The following MARCHF1 variants were observed in gnomAD, a reference collection of about 807,000 sequenced individuals.
MARCHF1 encodes E3 ubiquitin-protein ligase MARCHF1.
In MARCHF1, 40 loss-of-function variants were observed where a neutral mutation model predicts 54.2. The observed-to-expected ratio is 0.74, with a 90% confidence interval of 0.57 to 0.96. The LOEUF is 0.96. MARCHF1 is among the 40% of genes least tolerant of loss of function. The probability of loss-of-function intolerance (pLI) is 0.00; values close to 1 mark genes in which losing one functional copy is unlikely to be tolerated. For synonymous variants in MARCHF1, 236 were observed against 236.3 expected (o/e 1.00, Z 0.01); for missense variants, 586 against 656.5 (o/e 0.89, Z 1.17).
chr4:164,357,395 C>T (rs1241416756), intron 1 of MARCHF1, among the ~76,000 whole-genome samples: 1 of 152,090 alleles, frequency 6.6e-6, no homozygotes, highest in Non-Finnish European at 1.5e-5. Flanking sequence ...AGTCAGGTTC[C>T]TCTGGATTCC....
At chr4:164,286,592 C>T (rs1452025023) in intron 1 of MARCHF1, among the ~76,000 whole-genome samples, 2 of 151,780 alleles carry the variant, frequency 1.3e-5, no homozygotes, top group Non-Finnish European at 2.9e-5. Flanking sequence ...TGAGAAAACA[C>T]ATATTCTCTT....
chr4:163,592,200 T>C (rs1454043322), intron 7 of MARCHF1, among the ~76,000 whole-genome samples: 1 of 152,166 alleles, frequency 6.6e-6, no homozygotes, highest in African/African-American at 2.4e-5. Context: ...TTTGTAATCA[T>C]AAGTTTTGTC....
intron 3 of MARCHF1, among the ~76,000 whole-genome samples, chr4:163,860,619 T>C (rs1421917100): frequency 6.6e-6 from 1 of 152,132 alleles, no homozygotes; most frequent in Non-Finnish European, 1.5e-5. Flanking sequence ...CTAAAAGACT[T>C]TGATTGAATC....
intron 4 of MARCHF1, among the ~76,000 whole-genome samples, chr4:163,831,214 G>C (rs1749015410): frequency 6.6e-6 from 1 of 152,146 alleles, no homozygotes; most frequent in South Asian, 2.1e-4. Flanking sequence ...CCTCTGAACT[G>C]AATTTTCTCT....
At chr4:163,894,300 T>G (rs1456906063) in intron 3 of MARCHF1, among the ~76,000 whole-genome samples, 1 of 152,068 alleles carries the variant, frequency 6.6e-6, no homozygotes, top group East Asian at 1.9e-4. Flanking sequence ...TGCAGTGGTC[T>G]ATTTACTTGT....
intron 1 of MARCHF1, among the ~76,000 whole-genome samples, chr4:164,324,894 A>G (rs1045218037): frequency 1.3e-5 from 2 of 151,744 alleles, no homozygotes; most frequent in Admixed American, 1.3e-4. Flanking sequence ...AAATTTAACA[A>G]TAAATGCAAT....
At chr4:163,682,989 ATTG>A (rs1202747506) in intron 5 of MARCHF1, among the ~76,000 whole-genome samples, 8 of 152,326 alleles carry the variant, frequency 5.3e-5, no homozygotes, top group Non-Finnish European at 1.2e-4. Context: ...ATTAAAATGT[ATTG>A]TTGTAATAAA....
intron 2 of MARCHF1, among the ~76,000 whole-genome samples, chr4:163,993,924 A>G (rs541243018): frequency 6.6e-6 from 1 of 152,262 alleles, no homozygotes; most frequent in African/African-American, 2.4e-5. Context: ...TTGAAAAGAC[A>G]TATGGAATGA....
At chr4:163,907,908 C>T (rs77246861) in intron 3 of MARCHF1, among the ~76,000 whole-genome samples, 22,968 of 152,032 alleles carry the variant, frequency 0.15, 1,886 homozygotes, top group Middle Eastern at 0.18. Flanking sequence ...GAAATAAGGT[C>T]GCTTGAGAAT....
chr4:163,870,051 T>C (rs924805682), intron 3 of MARCHF1, among the ~76,000 whole-genome samples: 5 of 152,114 alleles, frequency 3.3e-5, no homozygotes, highest in Admixed American at 2.0e-4. Flanking sequence ...GTTCTAAAAA[T>C]CTGACACTCA....
chr4:163,797,014 T>C (rs967874423), intron 4 of MARCHF1, among the ~76,000 whole-genome samples: 29 of 152,160 alleles, frequency 1.9e-4, no homozygotes, highest in African/African-American at 6.8e-4. Context: ...CTACTTAGAA[T>C]TAATTTTCAA....
chr4:163,978,014 G>A (rs975224750), intron 3 of MARCHF1, among the ~76,000 whole-genome samples: 3 of 152,140 alleles, frequency 2.0e-5, no homozygotes, highest in South Asian at 2.1e-4. Flanking sequence ...CCCATGAAAT[G>A]TTGAAAAAAT....
At chr4:163,659,907 C>A (rs6852301) in intron 5 of MARCHF1, among the ~76,000 whole-genome samples, 99,302 of 151,856 alleles carry the variant, frequency 0.65, 32,791 homozygotes, top group African/African-American at 0.75. Flanking sequence ...ACAACAACAG[C>A]TGCTGGAGAG....
intron 1 of MARCHF1, among the ~76,000 whole-genome samples, chr4:164,308,975 A>G (rs918766679): frequency 1.3e-5 from 2 of 151,948 alleles, no homozygotes; most frequent in Admixed American, 6.6e-5. Flanking sequence ...AAAAAAAAAA[A>G]AAAGAAAGAG....
At chr4:163,679,948 T>C (rs904407612) in intron 5 of MARCHF1, among the ~76,000 whole-genome samples, 4 of 150,702 alleles carry the variant, frequency 2.7e-5, no homozygotes, top group African/African-American at 4.9e-5. Context: ...CCAGCTGCAA[T>C]TGCCTGTTAA....
intron 2 of MARCHF1, among the ~76,000 whole-genome samples, chr4:164,074,660 A>G (rs1754939256): frequency 6.6e-6 from 1 of 152,128 alleles, no homozygotes; most frequent in Non-Finnish European, 1.5e-5. Context: ...GTAAAGGAGT[A>G]TTTATAGACA....
rs535945383 is a variant in MARCHF1, at chr4:164,119,312, A to G, written c.-322-7650T>C. ...TTAAAATATCTCAAAAAATAATGAT[A>G]ATGAAAACTTAGACTGTCAGAATCT... On this transcript the variant is annotated intron_variant, in intron 1 of 9. Coordinates refer to ENST00000514618, the MANE Select transcript of MARCHF1 (RefSeq NM_001394959.1). Among the ~76,000 whole-genome samples the G allele has an allele frequency of 6.6e-5, 10 of 151,732 alleles. No individual in the cohort carries two copies. The South Asian group carries it at 2.1e-3, about 31-fold the overall frequency.
At chr4:164,220,576 A>C (rs1425994088) in intron 1 of MARCHF1, among the ~76,000 whole-genome samples, 2 of 145,328 alleles carry the variant, frequency 1.4e-5, no homozygotes, top group South Asian at 4.3e-4. Flanking sequence ...TATATATGTA[A>C]TACATATGAT....
intron 4 of MARCHF1, among the ~76,000 whole-genome samples, chr4:163,739,256 A>C (rs1746130229): frequency 1.3e-5 from 2 of 152,222 alleles, no homozygotes; most frequent in Non-Finnish European, 2.9e-5. Flanking sequence ...TATATTACAG[A>C]GACTCCTCAT....
Sources: gnomAD v4.1 joint callset for allele counts (sites outside exome capture counted in the v4.1 genomes callset) on GRCh38, gnomAD v4.1.1 for gene constraint, MANE v1.5 for transcripts, NCBI Gene and HGNC (gene_info 2026-07-23, HGNC 2026-07-21) for gene names.